The following NRG1 variants were observed in gnomAD, a reference collection of about 807,000 sequenced individuals.
The protein encoded by NRG1 is neuregulin 1.
A neutral mutation model predicts 63.8 loss-of-function variants in NRG1; 18 were observed. That is an observed-to-expected ratio of 0.28 (90% CI 0.19 to 0.42). The LOEUF is 0.42. Ranked by LOEUF, NRG1 falls within the 10% of genes least tolerant of loss-of-function variation. NRG1 has a pLI of 1.00. For missense variants in NRG1, 762 were observed against 814.7 expected, an observed-to-expected ratio of 0.94 and a Z score of 0.79; for synonymous variants, 302 against 301.3, an observed-to-expected ratio of 1.00 and a Z score of -0.02.
intron 1 of NRG1, among the ~76,000 whole-genome samples, chr8:31,974,815 T>G (rs1172707699): frequency 1.3e-5 from 2 of 152,246 alleles, no homozygotes; most frequent in African/African-American, 2.4e-5. Flanking sequence ...TTGGATCTTT[T>G]GTACACATTC....
chr8:32,543,979 A>C (rs1832812975), upstream of NRG1, among the ~76,000 whole-genome samples: 1 of 152,198 alleles, frequency 6.6e-6, no homozygotes, highest in African/African-American at 2.4e-5. Context: ...AAATCTGTGA[A>C]TTATTAAGCC....
At chr8:32,066,067 T>C (rs1487265298) in intron 1 of NRG1, among the ~76,000 whole-genome samples, 2 of 152,252 alleles carry the variant, frequency 1.3e-5, no homozygotes, top group Non-Finnish European at 2.9e-5. Context: ...TTTGAGTTCA[T>C]TGTAGATTCT....
intron 1 of NRG1, among the ~76,000 whole-genome samples, chr8:31,793,690 A>G (rs1342150070): frequency 6.6e-6 from 1 of 152,214 alleles, no homozygotes; most frequent in Non-Finnish European, 1.5e-5. Context: ...ACAAACAAAA[A>G]CAAAGCTATA....
At chr8:32,685,311 G>T (rs1006241788) in intron 5 of NRG1, among the ~76,000 whole-genome samples, 4 of 152,152 alleles carry the variant, frequency 2.6e-5, no homozygotes, top group Non-Finnish European at 4.4e-5. Context: ...TCACAGCGTG[G>T]TGGGGCCTCA....
chr8:32,265,507 T>C (rs979468642), intron 1 of NRG1, among the ~76,000 whole-genome samples: 2 of 151,948 alleles, frequency 1.3e-5, no homozygotes, highest in African/African-American at 2.4e-5. Flanking sequence ...CAACCATGGG[T>C]CAAAAATATT....
intron 1 of NRG1, among the ~76,000 whole-genome samples, chr8:32,507,891 T>G (rs545724315): frequency 6.6e-6 from 1 of 152,176 alleles, no homozygotes; most frequent in East Asian, 1.9e-4. Context: ...AGAGATGGGG[T>G]TTCACCATGT....
intron 1 of NRG1, among the ~76,000 whole-genome samples, chr8:32,374,084 G>A (rs1313769370): frequency 6.6e-6 from 1 of 152,102 alleles, no homozygotes; most frequent in African/African-American, 2.4e-5. Context: ...AAGAAAGGTT[G>A]AAACTTCACA....
At chr8:31,886,041 T>C (rs1016889914) in intron 1 of NRG1, among the ~76,000 whole-genome samples, 7 of 152,114 alleles carry the variant, frequency 4.6e-5, no homozygotes, top group Non-Finnish European at 7.4e-5. Flanking sequence ...TTTCTCAGGA[T>C]ATGAGTAAGA....
At chr8:32,707,396 A>G (rs1459470520) in intron 5 of NRG1, among the ~76,000 whole-genome samples, 1 of 152,102 alleles carries the variant, frequency 6.6e-6, no homozygotes, top group African/African-American at 2.4e-5. Flanking sequence ...ATGAGGGGAA[A>G]AAAGTCACTA....
intron 1 of NRG1, among the ~76,000 whole-genome samples, chr8:31,760,519 A>G (rs1183382023): frequency 6.6e-6 from 1 of 152,192 alleles, no homozygotes; most frequent in Non-Finnish European, 1.5e-5. Flanking sequence ...CAGGCAACCT[A>G]CAAAATGGGA....
intron 1 of NRG1, among the ~76,000 whole-genome samples, chr8:32,117,156 CA>C (rs1000076495): frequency 7.9e-5 from 12 of 151,592 alleles, no homozygotes; most frequent in African/African-American, 2.4e-4. Context: ...GACACACAAA[CA>C]AAAAAATATG....
intron 5 of NRG1, among the ~76,000 whole-genome samples, chr8:32,624,194 A>G (rs978761871): frequency 2.6e-5 from 4 of 152,206 alleles, no homozygotes; most frequent in African/African-American, 9.7e-5. Flanking sequence ...CCTTATCTAA[A>G]CAGCACATTT....
chr8:31,640,538 TG>T lies in NRG1; in HGVS notation c.37+1111del, dbSNP rs1803649999. 1.2e-6 allele frequency: 2 copies of T among 1,611,628 alleles called. No homozygotes were observed. The highest frequency in any genetic ancestry group is 1.1e-5 in the South Asian group (1 of 90,964). On this transcript the variant is annotated intron_variant, in intron 1 of 10. Transcript: ENST00000519301. This position sits in a 1 kb window ranked among gnomAD's most constrained non-coding sequence, Gnocchi z 6.3. Reference sequence around the variant, plus strand: ...AAGGACTCGCTGCTCACCGTGCGCCTGGGGACCTGGGGCCACCCCGCCTTCC... The same window carrying T: ...AAGGACTCGCTGCTCACCGTGCGCCTGGGACCTGGGGCCACCCCGCCTTCC...
intron 1 of NRG1, among the ~76,000 whole-genome samples, chr8:32,550,148 T>G (rs1410004728): frequency 6.6e-6 from 1 of 152,162 alleles, no homozygotes. Context: ...GAGTAATTGT[T>G]TCACCACTGG....
Position 32,064,109 on chromosome 8 carries a change from A to G in NRG1, c.37+424678A>G, listed in dbSNP as rs117973665. On this transcript the variant is annotated intron_variant, in intron 1 of 10. Coordinates refer to the NRG1 transcript ENST00000519301. Reference sequence around the variant, plus strand: ...ATTAAAAACCCTTTCTGGCAAAGAAATGTTATCTAGAAATCTAGCTGACCC... The same window carrying G: ...ATTAAAAACCCTTTCTGGCAAAGAAGTGTTATCTAGAAATCTAGCTGACCC... Among the ~76,000 whole-genome samples the G allele has an allele frequency of 2.6e-3, 395 of 152,272 alleles. 2 individuals are homozygous for G. The highest frequency in any genetic ancestry group is 4.1e-3 in the Non-Finnish European group (278 of 68,018).
At chr8:31,898,199 T>C (rs1351596350) in intron 1 of NRG1, among the ~76,000 whole-genome samples, 2 of 152,150 alleles carry the variant, frequency 1.3e-5, no homozygotes, top group Non-Finnish European at 2.9e-5. Context: ...GTAAGGCACA[T>C]GTTCTTAAGA....
At chr8:32,421,185 A>G (rs766302072) in intron 1 of NRG1, among the ~76,000 whole-genome samples, 1 of 152,144 alleles carries the variant, frequency 6.6e-6, no homozygotes, top group African/African-American at 2.4e-5. Flanking sequence ...TTTTTTCCAA[A>G]CCAAACCAGA....
At position 32,048,094 on chromosome 8, in the gene NRG1, A is replaced by T. The variant is rs1821303423; in HGVS notation, c.37+408663A>T. On this transcript the variant is annotated intron_variant, in intron 1 of 10. Coordinates refer to the NRG1 transcript ENST00000519301. ...ATGAGAGGATTTCCTTCTTTATTACAGTTGAATAGTATTTTATTTTGTATA... is the reference window on the plus strand; with the variant it reads ...ATGAGAGGATTTCCTTCTTTATTACTGTTGAATAGTATTTTATTTTGTATA... 4.6e-5 allele frequency among the ~76,000 whole-genome samples: 7 copies of T among 151,850 alleles called. No individual in the cohort carries two copies. The South Asian group carries it at 6.2e-4, about 14-fold the overall frequency.
intron 7 of NRG1, chr8:32,749,369 A>G (rs1828221812): frequency 1.5e-5 from 10 of 647,342 alleles, no homozygotes; most frequent in Admixed American, 2.5e-5. Flanking sequence ...ATAAAAAGAG[A>G]CGTTCCCTAT....
Sources: allele counts gnomAD v4.1 joint callset (sites outside exome capture counted in the v4.1 genomes callset), GRCh38; gene constraint gnomAD v4.1.1; non-coding constraint Gnocchi (gnomAD v3.1); transcripts MANE v1.5; gene names NCBI Gene and HGNC (gene_info 2026-07-23, HGNC 2026-07-21).